Variants in SLIT1 observed in about 807,000 individuals in gnomAD.
SLIT1 encodes slit guidance ligand 1.
SLIT1 carries 66 observed loss-of-function variants against 186.1 expected under a neutral mutation model. The observed-to-expected ratio is 0.35, with a 90% CI of 0.29 to 0.44. The LOEUF is 0.44. SLIT1 is among the 20% of genes least tolerant of loss of function. The pLI, the probability that SLIT1 is intolerant of heterozygous loss-of-function variation, is 1.00. For missense variants in SLIT1, 1,638 were observed against 2,037.4 expected (o/e 0.80, Z 3.77); for synonymous variants, 761 against 833.8 (o/e 0.91, Z 1.50).
chr10:97,006,629 G>C lies in SLIT1; in HGVS notation c.3433C>G (p.Gln1145Glu). The C allele has an allele frequency of 2.5e-6, 4 of 1,614,158 alleles. No homozygotes were observed. Among genetic ancestry groups the C allele is most frequent in the Non-Finnish European group, 3.4e-6 (4 of 1,180,016 alleles). ...ECQNGANCVD[Q>E]GNRPVCQCLP... ...CACTGGCACACAGGCCTGTTGCCCT[G>C]GTCCACACAGTTGGCCCCATTCTGG... Residue 1145 changes from glutamine to glutamate, a missense_variant, in exon 32 of 37, where the codon CAG (glutamine) becomes GAG (glutamate). Transcript: ENST00000266058. The surrounding 1 kb of genome is among the most constrained non-coding windows in gnomAD (Gnocchi z 4.0).
chr10:97,147,384 C>T (rs1849829118), intron 4 of SLIT1, among the ~76,000 whole-genome samples: 1 of 152,092 alleles, frequency 6.6e-6, no homozygotes. Flanking sequence ...TATTTAATGC[C>T]ACTAAATTGT....
intron 13 of SLIT1, among the ~76,000 whole-genome samples, chr10:97,055,612 C>A (rs776766480): frequency 3.3e-5 from 5 of 152,184 alleles, no homozygotes; most frequent in Non-Finnish European, 7.3e-5. Context: ...TCAAGCAATC[C>A]TCCTGCCTCA....
Position 97,011,215 on chromosome 10 carries a change from C to T in SLIT1, c.3204-85G>A, listed in dbSNP as rs114724646. ...GGGAGCGCACCAGGGATCCCCCACA[C>T]AGTCTGTACATGTGAGGGAGAACCT... is the stretch of plus-strand genomic sequence containing the variant. On this transcript the variant is annotated intron_variant, in intron 30 of 36. Coordinates refer to ENST00000266058, the MANE Select transcript of SLIT1 (RefSeq NM_003061.3). 2.7e-3 allele frequency: 2,465 copies of T among 911,478 alleles called. 40 individuals are homozygous for T. The African/African-American group carries it at 0.035, about 13-fold the overall frequency. 56.5% of individuals were successfully genotyped at this position (911,478 alleles called of 1,614,324 possible).
At chr10:97,121,858 C>G (rs966260681) in intron 4 of SLIT1, among the ~76,000 whole-genome samples, 3 of 152,202 alleles carry the variant, frequency 2.0e-5, no homozygotes, top group African/African-American at 7.2e-5. Context: ...TATGGCTTAA[C>G]GGCAAGAACA....
At chr10:97,135,418 A>G (rs1849693043) in intron 4 of SLIT1, among the ~76,000 whole-genome samples, 1 of 152,192 alleles carries the variant, frequency 6.6e-6, no homozygotes, top group Non-Finnish European at 1.5e-5. Flanking sequence ...AAGAGAACAC[A>G]GACTTGAAGA....
At chr10:97,178,493 A>T (rs1411697586) in intron 1 of SLIT1, among the ~76,000 whole-genome samples, 1 of 152,224 alleles carries the variant, frequency 6.6e-6, no homozygotes, top group African/African-American at 2.4e-5. Flanking sequence ...ATTAAGGGAG[A>T]CTAAAGACCA....
intron 1 of SLIT1, among the ~76,000 whole-genome samples, chr10:97,181,348 T>C (rs145096398): frequency 1.2e-4 from 18 of 152,304 alleles, no homozygotes; most frequent in African/African-American, 4.3e-4. Flanking sequence ...CACCATCCAA[T>C]TATTATTTGG....
At position 97,068,740 on chromosome 10, in the gene SLIT1, T is replaced by A. The variant is rs1848975389; in HGVS notation, c.414-2654A>T. On this transcript the variant is annotated intron_variant, in intron 4 of 36. Transcript: ENST00000266058. The surrounding 1 kb of genome is among the most constrained non-coding windows in gnomAD (Gnocchi z 4.2). ...TCCCCATGGCATCTTTCATCTTCGA[T>A]CTTGGTTACTTGTGCCATATCGCCA... Among the ~76,000 whole-genome samples the A allele has an allele frequency of 6.6e-6, 1 of 152,194 alleles. No homozygotes were observed.
chr10:97,004,027 G>T lies in SLIT1; in HGVS notation c.3865+41C>A. 1 of 1,567,934 alleles carries T rather than the reference G, an allele frequency of 6.4e-7. No homozygotes were observed. The highest frequency in any genetic ancestry group is 1.4e-5 in the African/African-American group (1 of 74,016). On this transcript the variant is annotated intron_variant, in intron 34 of 36. Transcript: ENST00000266058. This position sits in a 1 kb window ranked among gnomAD's most constrained non-coding sequence, Gnocchi z 5.1. ...CACCAGCTCTCCTGGCTGGCCTCAG[G>T]CCAGACAGCAAAAGAGGCCCCGCCA...
At chr10:97,119,782 C>A (rs922001321) in intron 4 of SLIT1, among the ~76,000 whole-genome samples, 1 of 151,614 alleles carries the variant, frequency 6.6e-6, no homozygotes, top group Non-Finnish European at 1.5e-5. Context: ...TCAGCTAGAT[C>A]AGTCCCTTCG....
At chr10:97,055,633 G>A (rs1381879854) in intron 13 of SLIT1, among the ~76,000 whole-genome samples, 4 of 152,182 alleles carry the variant, frequency 2.6e-5, no homozygotes, top group South Asian at 4.1e-4. Flanking sequence ...GCCTCCCAGA[G>A]TGTTGGGATT....
chr10:97,156,450 T>C (rs1025832925), intron 4 of SLIT1, among the ~76,000 whole-genome samples: 15 of 151,948 alleles, frequency 9.9e-5, no homozygotes, highest in African/African-American at 3.4e-4. Context: ...TGGTAGTGCA[T>C]ACCTGTAGTC....
chr10:97,094,983 AAG>A (rs917175222), intron 4 of SLIT1, among the ~76,000 whole-genome samples: 2 of 151,362 alleles, frequency 1.3e-5, no homozygotes, highest in African/African-American at 2.4e-5. Context: ...AACTGCCAGA[AAG>A]AGAGAGAGAG....
chr10:97,064,349 C>A lies in SLIT1; in HGVS notation c.558-110G>T, dbSNP rs142876002. On this transcript the variant is annotated intron_variant, in intron 6 of 36. Transcript: ENST00000266058. ...GCTCTCGACCTTAAAGTGACCAGCA[C>A]GGGGCTGGACATGGAGGAGCTAAGC... 6.9e-5 allele frequency: 59 copies of A among 851,548 alleles called. No individual in the cohort carries two copies. In the African/African-American group the frequency reaches 7.3e-4, roughly 11 times the overall value. The allele number at this position is 851,548 out of a possible 1,614,324, so 52.7% of individuals were successfully genotyped here. A position where few individuals can be genotyped will look rare whatever the true frequency, so the allele number is the denominator to read the frequency against.
chr10:97,118,870 G>A (rs1004001062), intron 4 of SLIT1, among the ~76,000 whole-genome samples: 2 of 152,188 alleles, frequency 1.3e-5, no homozygotes, highest in Admixed American at 1.3e-4. Context: ...ATGACGACTG[G>A]GATATAGTAA....
At chr10:97,179,001 C>G (rs1372514089) in intron 1 of SLIT1, among the ~76,000 whole-genome samples, 1 of 152,170 alleles carries the variant, frequency 6.6e-6, no homozygotes, top group Non-Finnish European at 1.5e-5. Flanking sequence ...AAATACATGG[C>G]ACTTACCTTC....
chr10:97,119,915 A>ATATATATG (rs1849544124), intron 4 of SLIT1, among the ~76,000 whole-genome samples: 1 of 66,410 alleles, frequency 1.5e-5, no homozygotes, highest in African/African-American at 7.6e-5. Flanking sequence ...CCAAAGGGGT[A>ATATATATG]TATATATATA....
intron 4 of SLIT1, among the ~76,000 whole-genome samples, chr10:97,141,131 T>C (rs1849753435): frequency 6.6e-6 from 1 of 152,018 alleles, no homozygotes; most frequent in African/African-American, 2.4e-5. Flanking sequence ...CGACGACAGC[T>C]CCAGCACGCA....
At chr10:97,151,967 T>C (rs1849885187) in intron 4 of SLIT1, among the ~76,000 whole-genome samples, 1 of 151,914 alleles carries the variant, frequency 6.6e-6, no homozygotes, top group Non-Finnish European at 1.5e-5. Context: ...TCTGAAGAGG[T>C]GTGAGTGCTG....
Sources: allele counts gnomAD v4.1 joint callset (sites outside exome capture counted in the v4.1 genomes callset), GRCh38; gene constraint gnomAD v4.1.1; non-coding constraint Gnocchi (gnomAD v3.1); transcripts MANE v1.5; gene names NCBI Gene and HGNC (gene_info 2026-07-23, HGNC 2026-07-21).